CDK6: variants seen among roughly 807,000 people sequenced by gnomAD.
The protein encoded by CDK6 is cyclin-dependent kinase 6.
A neutral mutation model predicts 37.1 loss-of-function variants in CDK6; 6 were observed. The observed-to-expected ratio is 0.16, with a 90% CI of 0.09 to 0.32. CDK6 has a LOEUF of 0.32. Ranked by LOEUF, CDK6 falls within the 10% of genes least tolerant of loss-of-function variation. CDK6 has a pLI of 1.00. For synonymous variants in CDK6, 160 were observed against 161.3 expected (o/e 0.99, Z 0.06); for missense variants, 224 against 418.9 (o/e 0.53, Z 4.06).
At chr7:92,755,787 C>T (rs1799302718) in intron 3 of CDK6, among the ~76,000 whole-genome samples, 1 of 152,114 alleles carries the variant, frequency 6.6e-6, no homozygotes, top group Non-Finnish European at 1.5e-5. Context: ...AGATTTATCT[C>T]CAAGGAGTCT....
At chr7:92,715,532 A>G (rs1328419235) in intron 4 of CDK6, among the ~76,000 whole-genome samples, 3 of 152,232 alleles carry the variant, frequency 2.0e-5, no homozygotes, top group Non-Finnish European at 2.9e-5. Context: ...GTATCCTTGT[A>G]GATAGATGCT....
chr7:92,785,927 T>C (rs1040845343), intron 2 of CDK6, among the ~76,000 whole-genome samples: 14 of 152,196 alleles, frequency 9.2e-5, no homozygotes, highest in African/African-American at 3.4e-4. Flanking sequence ...ACTGCTGATA[T>C]CCCAAACCCT....
At chr7:92,769,761 C>A (rs1799665994) in intron 3 of CDK6, among the ~76,000 whole-genome samples, 1 of 152,048 alleles carries the variant, frequency 6.6e-6, no homozygotes, top group African/African-American at 2.4e-5. Flanking sequence ...GTGGCAGTTA[C>A]AAATTACTAA....
rs945595076 is a variant in CDK6, at chr7:92,833,950, G to C, written c.-367-260C>G. On this transcript the variant is annotated intron_variant, in intron 1 of 7. Coordinates refer to ENST00000424848, the MANE Select transcript of CDK6 (RefSeq NM_001145306.2). The surrounding 1 kb of genome is among the most constrained non-coding windows in gnomAD (Gnocchi z 6.1). ...CCCCTCGGGGATGAGCGAGCGGCGC[G>C]GGACGCAGTGGAACGGGAGGGGGCG... The C allele has an allele frequency of 3.3e-5, 13 of 398,464 alleles. No individual in the cohort carries two copies. The highest frequency in any genetic ancestry group is 1.9e-4 in the African/African-American group (9 of 48,564). 24.7% of individuals were successfully genotyped at this position (398,464 alleles called of 1,614,324 possible). A position where few individuals can be genotyped will look rare whatever the true frequency, so the allele number is the denominator to read the frequency against.
At chr7:92,737,176 A>G (rs745480772) in intron 3 of CDK6, among the ~76,000 whole-genome samples, 19 of 152,224 alleles carry the variant, frequency 1.2e-4, no homozygotes, top group Non-Finnish European at 2.5e-4. Context: ...CACTGGTGCC[A>G]CTAAATGAAG....
intron 3 of CDK6, among the ~76,000 whole-genome samples, chr7:92,746,429 A>G (rs1471754633): frequency 6.6e-6 from 1 of 152,224 alleles, no homozygotes; most frequent in African/African-American, 2.4e-5. Flanking sequence ...TGATGTCACA[A>G]GTGGAAAATT....
rs35748209 is a variant in CDK6, at chr7:92,674,087, C to CTT, written c.538-2554_538-2553dup. Among the ~76,000 whole-genome samples the CTT allele has an allele frequency of 1.4e-3, 201 of 140,528 alleles. 1 individual carries two copies. The highest frequency in any genetic ancestry group is 4.5e-3 in the African/African-American group (174 of 38,412). The allele number at this position is 140,528 out of a possible 152,430, so 92.2% of individuals were successfully genotyped here. ...GAGCCACTGCGCCTCCCCCTTTCTTCTTTTTTTTTTTTTTTGAGTTCTTCA... is the reference window on the plus strand; with the variant it reads ...GAGCCACTGCGCCTCCCCCTTTCTTCTTTTTTTTTTTTTTTTTGAGTTCTTCA... On this transcript the variant is annotated intron_variant, in intron 4 of 7. Coordinates refer to ENST00000424848, the MANE Select transcript of CDK6 (RefSeq NM_001145306.2).
At chr7:92,685,098 T>C (rs1324814014) in intron 4 of CDK6, among the ~76,000 whole-genome samples, 1 of 152,238 alleles carries the variant, frequency 6.6e-6, no homozygotes, top group Non-Finnish European at 1.5e-5. Context: ...TCATATCTCT[T>C]CTATGAGCAG....
At chr7:92,831,727 A>G (rs917229861) in intron 2 of CDK6, among the ~76,000 whole-genome samples, 2 of 152,232 alleles carry the variant, frequency 1.3e-5, no homozygotes, top group Admixed American at 6.5e-5. Context: ...CCTTATTTAT[A>G]TATTTATGAT....
chr7:92,782,711 G>A (rs1338222008), intron 2 of CDK6, among the ~76,000 whole-genome samples: 1 of 152,052 alleles, frequency 6.6e-6, no homozygotes, highest in East Asian at 1.9e-4. Context: ...GGCCCAGTGT[G>A]TTTGATCTAC....
chr7:92,762,796 C>T lies in CDK6; in HGVS notation c.369+11900G>A, dbSNP rs550517198. Among the ~76,000 whole-genome samples, 132 of 152,154 alleles carry T rather than the reference C, an allele frequency of 8.7e-4. 3 individuals carry two copies. Among genetic ancestry groups the T allele is most frequent in the African/African-American group, 2.7e-3 (114 of 41,512 alleles). ...CCATACTGGCCAAGCTGGTCTTGAA[C>T]TCTTGACCTTGTGATCCACCCACCT... On this transcript the variant is annotated intron_variant, in intron 3 of 7. Transcript: ENST00000424848.
chr7:92,803,285 C>T (rs1382059750), intron 2 of CDK6, among the ~76,000 whole-genome samples: 1 of 152,138 alleles, frequency 6.6e-6, no homozygotes, highest in Middle Eastern at 3.2e-3. Flanking sequence ...AGAAGACATG[C>T]ACATGTGAAT....
At chr7:92,617,561 A>G (rs2116482319) in intron 7 of CDK6, among the ~76,000 whole-genome samples, 1 of 152,292 alleles carries the variant, frequency 6.6e-6, no homozygotes, top group South Asian at 2.1e-4. Flanking sequence ...CAGAGCACAG[A>G]AGTCCTTATT....
rs370065391 is a variant in CDK6 at position 92,833,065 on chromosome 7, G to A, written c.233+26C>T. 2.7e-6 allele frequency: 4 copies of A among 1,502,782 alleles called. No individual in the cohort carries two copies. Among genetic ancestry groups the A allele is most frequent in the South Asian group, 1.2e-5 (1 of 81,874 alleles). 93.1% of individuals were successfully genotyped at this position (1,502,782 alleles called of 1,614,324 possible). ...TCCCCGCGCGCGCGAGGCCCCAGATGGCGAGGGCGCAGCTCCCTGGCTCAC... is the reference window on the plus strand; with the variant it reads ...TCCCCGCGCGCGCGAGGCCCCAGATAGCGAGGGCGCAGCTCCCTGGCTCAC... On this transcript the variant is annotated intron_variant, in intron 2 of 7. Transcript: ENST00000424848. The surrounding 1 kb of genome is among the most constrained non-coding windows in gnomAD (Gnocchi z 6.1).
chr7:92,693,513 T>C (rs1329531384), intron 4 of CDK6, among the ~76,000 whole-genome samples: 2 of 152,262 alleles, frequency 1.3e-5, no homozygotes, highest in Non-Finnish European at 2.9e-5. Flanking sequence ...GCTTTAAACT[T>C]TTCCTGCATC....
At chr7:92,802,638 C>T (rs1184951825) in intron 2 of CDK6, among the ~76,000 whole-genome samples, 1 of 152,174 alleles carries the variant, frequency 6.6e-6, no homozygotes. Context: ...CTGCAGTTCC[C>T]ACCGTTTAGG....
chr7:92,620,895 A>G (rs1348358848), intron 6 of CDK6, among the ~76,000 whole-genome samples: 1 of 152,202 alleles, frequency 6.6e-6, no homozygotes, highest in Non-Finnish European at 1.5e-5. Flanking sequence ...ACAACAGGGC[A>G]AGACCTTGTC....
At chr7:92,779,346 C>CT (rs796781370) in intron 2 of CDK6, among the ~76,000 whole-genome samples, 1 of 152,264 alleles carries the variant, frequency 6.6e-6, no homozygotes, top group South Asian at 2.1e-4. Context: ...GAAAAAAGGA[C>CT]TCATTTCAAT....
chr7:92,791,875 T>C (rs1307699607), intron 2 of CDK6, among the ~76,000 whole-genome samples: 2 of 152,092 alleles, frequency 1.3e-5, no homozygotes, highest in Non-Finnish European at 2.9e-5. Context: ...GGTGATTATC[T>C]TGGAAAATGG....
Sources: allele counts gnomAD v4.1 joint callset (sites outside exome capture counted in the v4.1 genomes callset), GRCh38; gene constraint gnomAD v4.1.1; non-coding constraint Gnocchi (gnomAD v3.1); transcripts MANE v1.5; gene names NCBI Gene and HGNC (gene_info 2026-07-23, HGNC 2026-07-21).